The following GALNT2 variants were observed in gnomAD, a reference collection of about 807,000 sequenced individuals.
The protein encoded by GALNT2 is polypeptide N-acetylgalactosaminyltransferase 2, also known as UDP-GalNAc:polypeptide N-acetylgalactosaminyltransferase 2.
In GALNT2, 31 loss-of-function variants were observed where a neutral mutation model predicts 81.4. The observed-to-expected ratio is 0.38, with a 90% CI of 0.29 to 0.51. The LOEUF (loss-of-function observed/expected upper bound fraction) is 0.51, where lower values mean the gene tolerates loss of function less well. Among genes scored for constraint, GALNT2 ranks in the 20% least tolerant of loss-of-function variants. GALNT2 has a pLI of 0.87. For synonymous variants in GALNT2, 303 were observed against 287.4 expected (o/e 1.05, Z -0.55); for missense variants, 629 against 765.7 (o/e 0.82, Z 2.11).
chr1:230,074,831 A>C (rs1191985040), intron 1 of GALNT2, among the ~76,000 whole-genome samples: 1 of 152,232 alleles, frequency 6.6e-6, no homozygotes, highest in Non-Finnish European at 1.5e-5. Context: ...CAGAAAGGTT[A>C]AGTGACTTTC....
chr1:230,215,550 T>C (rs1333846672), intron 3 of GALNT2, among the ~76,000 whole-genome samples: 1 of 152,182 alleles, frequency 6.6e-6, no homozygotes, highest in Non-Finnish European at 1.5e-5. Context: ...AACACCTGAG[T>C]GTTTTATTTG....
At chr1:230,152,979 T>C (rs1662136924) in intron 1 of GALNT2, among the ~76,000 whole-genome samples, 1 of 152,284 alleles carries the variant, frequency 6.6e-6, no homozygotes, top group African/African-American at 2.4e-5. Flanking sequence ...TCAGTGTGTT[T>C]GTCCACTGTG....
chr1:230,274,553 G>A lies in GALNT2; in HGVS notation c.1549G>A (p.Asp517Asn), dbSNP rs1200487891. The A allele has an allele frequency of 6.2e-7, 1 of 1,613,946 alleles. No homozygotes were observed. Residue 517 changes from aspartate to asparagine, a missense_variant, in exon 15 of 16, where the codon GAC (aspartate) becomes AAC (asparagine). Physicochemically the swap from Asp to Asn is conservative, Grantham distance 23. Around this residue, in one of 3 missense-constraint regions of GALNT2, gnomAD observed 207 missense variants for 225.5 expected, o/e 0.92. Transcript: ENST00000366672. ...LIKLQGCRENDSRQKWEQIEG... is the reference protein window; with the variant it reads ...LIKLQGCRENNSRQKWEQIEG... The stretch of plus-strand genomic sequence containing the variant: ...AAAGCTGCAGGGCTGCCGAGAAAAT[G>A]ACAGCAGACAGGTACGGCTTGCAGG...
chr1:230,169,623 A>G (rs942730149), intron 1 of GALNT2, among the ~76,000 whole-genome samples: 1 of 151,768 alleles, frequency 6.6e-6, no homozygotes, highest in African/African-American at 2.4e-5. Flanking sequence ...CTGTTAGAGA[A>G]GTTAAATGGT....
At position 230,262,140 on chromosome 1, in the gene GALNT2, CGTGACG is replaced by C. The variant is rs148648327; in HGVS notation, c.1137-431_1137-426del. ...CAGAGCTGTCTGATAGTGTCGTAGC[CGTGACG>C]GAGAAGGCCGTGGGGCCTGGAATCT... On this transcript the variant is annotated intron_variant, in intron 11 of 15. Coordinates refer to ENST00000366672, the MANE Select transcript of GALNT2 (RefSeq NM_004481.5). The C allele has an allele frequency of 4.5e-3, 729 of 161,940 alleles. 5 individuals carry two copies. Among genetic ancestry groups the C allele is most frequent in the Non-Finnish European group, 4.5e-3 (333 of 74,676 alleles). The allele number at this position is 161,940 out of a possible 1,614,324, so 10.0% of individuals were successfully genotyped here.
At chr1:230,148,023 A>G (rs1334474989) in intron 1 of GALNT2, among the ~76,000 whole-genome samples, 1 of 152,226 alleles carries the variant, frequency 6.6e-6, no homozygotes, top group African/African-American at 2.4e-5. Flanking sequence ...CCTCGAGGAT[A>G]GTCACTGTAT....
chr1:230,069,276 G>T (rs1204257902), intron 1 of GALNT2, among the ~76,000 whole-genome samples: 2 of 151,610 alleles, frequency 1.3e-5, no homozygotes, highest in Non-Finnish European at 2.9e-5. Context: ...TTTTTGTTTT[G>T]TTTTGTTTTG....
intron 3 of GALNT2, among the ~76,000 whole-genome samples, chr1:230,206,357 A>T (rs541819759): frequency 6.8e-4 from 104 of 152,220 alleles, no homozygotes; most frequent in Non-Finnish European, 1.2e-3. Context: ...GATGCATTTT[A>T]GGTGGGTTTA....
chr1:230,237,551 G>A (rs188276113), intron 6 of GALNT2, among the ~76,000 whole-genome samples: 35 of 152,284 alleles, frequency 2.3e-4, no homozygotes, highest in African/African-American at 8.2e-4. Context: ...TGGAGTCAAG[G>A]AGTGAAGTTT....
intron 1 of GALNT2, among the ~76,000 whole-genome samples, chr1:230,081,325 A>G (rs1318558085): frequency 6.6e-6 from 1 of 152,144 alleles, no homozygotes; most frequent in Non-Finnish European, 1.5e-5. Flanking sequence ...TCCAGTGTTC[A>G]GTGGCCAGGA....
At chr1:230,102,256 T>A (rs1660423500) in intron 1 of GALNT2, among the ~76,000 whole-genome samples, 1 of 152,190 alleles carries the variant, frequency 6.6e-6, no homozygotes, top group Non-Finnish European at 1.5e-5. Flanking sequence ...TTCACTGCAG[T>A]CTCCAGTGCC....
chr1:230,062,375 T>C (rs1659069732), upstream of GALNT2, among the ~76,000 whole-genome samples: 2 of 152,236 alleles, frequency 1.3e-5, no homozygotes, highest in African/African-American at 4.8e-5. Context: ...TGATGAAATA[T>C]ACATCACATT....
At chr1:230,235,528 A>T (rs949814097) in intron 3 of GALNT2, among the ~76,000 whole-genome samples, 1 of 152,202 alleles carries the variant, frequency 6.6e-6, no homozygotes, top group Non-Finnish European at 1.5e-5. Flanking sequence ...CCAGGAAGGG[A>T]AAACCTCCAG....
At chr1:230,223,397 A>G (rs1318101639) in intron 3 of GALNT2, among the ~76,000 whole-genome samples, 1 of 151,368 alleles carries the variant, frequency 6.6e-6, no homozygotes, top group Non-Finnish European at 1.5e-5. Flanking sequence ...TTTGTAACAC[A>G]TATATTTTGA....
At chr1:230,084,941 C>T (rs1659854834) in intron 1 of GALNT2, among the ~76,000 whole-genome samples, 1 of 152,156 alleles carries the variant, frequency 6.6e-6, no homozygotes, top group South Asian at 2.1e-4. Flanking sequence ...TGCTGCCTTG[C>T]TCTTGCAGCT....
intron 1 of GALNT2, among the ~76,000 whole-genome samples, chr1:230,108,978 G>T (rs1422036344): frequency 6.6e-6 from 1 of 152,228 alleles, no homozygotes; most frequent in Admixed American, 6.5e-5. Flanking sequence ...GAGACCATCT[G>T]AATAACAGGA....
At chr1:230,104,894 C>G (rs986602087) in intron 1 of GALNT2, among the ~76,000 whole-genome samples, 1 of 152,162 alleles carries the variant, frequency 6.6e-6, no homozygotes, top group Non-Finnish European at 1.5e-5. Flanking sequence ...CGCTTGCAGT[C>G]CCCCCGTTCT....
In GALNT2 at chr1:230,250,527, A is replaced by C; in HGVS notation, c.976A>C (p.Met326Leu). ...TTTTGAAGAACTGGGGAAGTACGACATGATGATGGATGTGTGGGGAGGAGA... is the reference window on the plus strand; with the variant it reads ...TTTTGAAGAACTGGGGAAGTACGACCTGATGATGGATGTGTGGGGAGGAGA... ...FYFEELGKYDMMMDVWGGENL... is the reference protein window; with the variant it reads ...FYFEELGKYDLMMDVWGGENL... Residue 326 changes from methionine (M) to leucine (L), a missense_variant, in exon 10 of 16, where the codon ATG (methionine) becomes CTG (leucine). Met to Leu is a conservative substitution (Grantham distance 15). Coordinates refer to ENST00000366672, the MANE Select transcript of GALNT2 (RefSeq NM_004481.5). 1 of 1,613,612 alleles carries C rather than the reference A, an allele frequency of 6.2e-7. No individual in the cohort carries two copies. The highest frequency in any genetic ancestry group is 1.3e-5 in the African/African-American group (1 of 75,028).
intron 1 of GALNT2, among the ~76,000 whole-genome samples, chr1:230,157,354 C>T (rs1306884657): frequency 6.6e-6 from 1 of 152,152 alleles, no homozygotes; most frequent in African/African-American, 2.4e-5. Flanking sequence ...CTGGCAAGGA[C>T]ATAGAGCAGC....
Sources: gnomAD v4.1 joint callset for allele counts (sites outside exome capture counted in the v4.1 genomes callset) on GRCh38, gnomAD v4.1.1 for gene constraint, gnomAD v4.1.1 regional missense constraint, MANE v1.5 for transcripts, NCBI Gene and HGNC (gene_info 2026-07-23, HGNC 2026-07-21) for gene names.